IL1RAPL2: variants seen among roughly 807,000 people sequenced by gnomAD.
IL1RAPL2 encodes the protein interleukin 1 receptor accessory protein like 2, also known as X-linked interleukin-1 receptor accessory protein-like 2.
A neutral mutation model predicts 44.1 loss-of-function variants in IL1RAPL2; 3 were observed. That is an observed-to-expected ratio of 0.07 (90% CI 0.03 to 0.18). The LOEUF is 0.18. Among genes scored for constraint, IL1RAPL2 ranks in the 10% least tolerant of loss-of-function variants. The pLI is 1.00. For synonymous variants in IL1RAPL2, 181 were observed against 178.8 expected, an observed-to-expected ratio of 1.01 and a Z score of -0.10; for missense variants, 391 against 496.4, an observed-to-expected ratio of 0.79 and a Z score of 2.02.
intron 5 of IL1RAPL2, among the ~76,000 whole-genome samples, chrX:105,474,581 A>G (rs1286181855): frequency 9.0e-6 from 1 of 111,634 alleles, no homozygotes; most frequent in Non-Finnish European, 1.9e-5. Context: ...ACGAAGATAT[A>G]CACACTAGTT....
intron 2 of IL1RAPL2, among the ~76,000 whole-genome samples, chrX:104,719,070 G>C (rs746464581): frequency 3.6e-5 from 4 of 112,169 alleles, no homozygotes; most frequent in African/African-American, 6.5e-5. Context: ...TTACCAAAAG[G>C]TGAGCAAGAG....
intron 2 of IL1RAPL2, among the ~76,000 whole-genome samples, chrX:105,090,237 C>T (rs2032527550): frequency 9.0e-6 from 1 of 111,370 alleles, no homozygotes; most frequent in Non-Finnish European, 1.9e-5. Flanking sequence ...AGGACCCCCA[C>T]ATATTCCCAA....
At chrX:105,572,823 G>A (rs754602390) in intron 6 of IL1RAPL2, among the ~76,000 whole-genome samples, 2 of 111,880 alleles carry the variant, frequency 1.8e-5, no homozygotes, top group South Asian at 3.7e-4. Context: ...AAAAAAGTGT[G>A]CTGACCTATA....
At chrX:104,655,262 G>A (rs893857008) in intron 1 of IL1RAPL2, among the ~76,000 whole-genome samples, 11 of 111,645 alleles carry the variant, frequency 9.9e-5, no homozygotes, top group African/African-American at 3.3e-4. Context: ...TTTTCAAAGG[G>A]AATGCTTCCA....
intron 2 of IL1RAPL2, among the ~76,000 whole-genome samples, chrX:105,097,482 G>A (rs1032626653): frequency 9.0e-6 from 1 of 110,696 alleles, no homozygotes; most frequent in Non-Finnish European, 1.9e-5. Context: ...GTACAGAAAA[G>A]AGTACTGTGG....
intron 5 of IL1RAPL2, among the ~76,000 whole-genome samples, chrX:105,402,970 C>T (rs757920257): frequency 8.9e-6 from 1 of 111,881 alleles, no homozygotes; most frequent in Admixed American, 9.5e-5. Context: ...CTAAGCTTTG[C>T]AAATCTTGAA....
At chrX:105,217,162 A>G (rs1556167352) in intron 3 of IL1RAPL2, among the ~76,000 whole-genome samples, 1 of 108,384 alleles carries the variant, frequency 9.2e-6, no homozygotes, top group African/African-American at 3.4e-5. Context: ...CAGAGTGAAC[A>G]GGCAACCTAC....
At chrX:104,894,114 A>C (rs777404181) in intron 2 of IL1RAPL2, among the ~76,000 whole-genome samples, 12 of 111,858 alleles carry the variant, frequency 1.1e-4, no homozygotes, top group Non-Finnish European at 1.3e-4. Context: ...GATATTGGCC[A>C]CCACTCTCTT....
chrX:105,615,198 C>T (rs1431185306), intron 6 of IL1RAPL2, among the ~76,000 whole-genome samples: 1 of 111,335 alleles, frequency 9.0e-6, no homozygotes. Context: ...GGCGAGGACA[C>T]GGAGGAAAAG....
intron 1 of IL1RAPL2, among the ~76,000 whole-genome samples, chrX:104,615,864 T>C (rs1003790075): frequency 8.9e-6 from 1 of 112,367 alleles, no homozygotes; most frequent in Non-Finnish European, 1.9e-5. Context: ...AGTGTTCTTA[T>C]TTCTCTGCAA....
intron 5 of IL1RAPL2, among the ~76,000 whole-genome samples, chrX:105,381,628 TATA>T (rs1474709263): frequency 1.8e-5 from 2 of 111,871 alleles, no homozygotes; most frequent in Non-Finnish European, 1.9e-5. Flanking sequence ...TGTATGTGTA[TATA>T]ATAGCTGTAC....
chrX:104,613,727 C>CCATTTCAG (rs1220116221), intron 1 of IL1RAPL2, among the ~76,000 whole-genome samples: 1 of 109,472 alleles, frequency 9.1e-6, no homozygotes, highest in East Asian at 2.9e-4. Flanking sequence ...TGTTTTGGAA[C>CCATTTCAG]CATTTCAGTA....
At chrX:105,497,698 C>T (rs1398195057) in intron 6 of IL1RAPL2, among the ~76,000 whole-genome samples, 1 of 111,652 alleles carries the variant, frequency 9.0e-6, no homozygotes, top group Non-Finnish European at 1.9e-5. Context: ...AAACTGAATT[C>T]GACACCACAT....
At chrX:105,145,045 C>T (rs899356172) in intron 2 of IL1RAPL2, among the ~76,000 whole-genome samples, 3 of 111,535 alleles carry the variant, frequency 2.7e-5, no homozygotes, top group African/African-American at 3.3e-5. Flanking sequence ...TGGCTGAGGA[C>T]GGATGTTCAG....
chrX:104,881,496 A>C (rs1180068508), intron 2 of IL1RAPL2, among the ~76,000 whole-genome samples: 1 of 112,310 alleles, frequency 8.9e-6, no homozygotes, highest in African/African-American at 3.2e-5. Context: ...AAGAAAAATA[A>C]TTTCCATAGA....
chrX:105,016,744 A>G (rs1046392580), intron 2 of IL1RAPL2, among the ~76,000 whole-genome samples: 2 of 111,494 alleles, frequency 1.8e-5, no homozygotes, highest in African/African-American at 3.3e-5. Flanking sequence ...TTTTGCATCA[A>G]TGTTCATCAT....
chrX:105,169,991 A>G (rs1224582188), intron 2 of IL1RAPL2, among the ~76,000 whole-genome samples: 8 of 110,592 alleles, frequency 7.2e-5, no homozygotes, highest in Admixed American at 6.8e-4. Context: ...ATGGACATCA[A>G]CAAGGTGTCC....
rs902842088 is a variant in IL1RAPL2 at position 105,707,525 on chromosome X, A to C, written c.773-9842A>C. 3.6e-5 allele frequency among the ~76,000 whole-genome samples: 4 copies of C among 112,001 alleles called. No individual in the cohort carries two copies. The Admixed American group carries it at 3.8e-4, about 11-fold the overall frequency. On this transcript the variant is annotated intron_variant, in intron 6 of 10. Transcript: ENST00000372582. ...ATGGTTTCCATCCTTAAAGACTGTA[A>C]CATTTATTTGGGAAGAGGAGGCAAA...
At chrX:105,542,664 TTC>T (rs1370498320) in intron 6 of IL1RAPL2, among the ~76,000 whole-genome samples, 4 of 102,318 alleles carry the variant, frequency 3.9e-5, no homozygotes, top group Admixed American at 2.0e-4. Context: ...ATAAAATAGA[TTC>T]TCTTTTTTTT....
Sources: gnomAD v4.1 joint callset for allele counts (sites outside exome capture counted in the v4.1 genomes callset) on GRCh38, gnomAD v4.1.1 for gene constraint, MANE v1.5 for transcripts, NCBI Gene and HGNC (gene_info 2026-07-23, HGNC 2026-07-21) for gene names.